Variants in PRRX2 observed in about 807,000 individuals in gnomAD.
PRRX2 encodes paired mesoderm homeobox protein 2.
Under a neutral mutation model 18.0 loss-of-function variants are expected in PRRX2, and 11 were observed. The ratio of observed to expected loss-of-function variants is 0.61; its 90% CI spans 0.39 to 1.01. The LOEUF (loss-of-function observed/expected upper bound fraction) is 1.01. Among genes scored for constraint, PRRX2 ranks in the 50% least tolerant of loss-of-function variants. The pLI, the probability that PRRX2 is intolerant of heterozygous loss-of-function variation, is 0.01. For synonymous variants in PRRX2, 177 were observed against 154.8 expected, an observed-to-expected ratio of 1.14 and a Z score of -1.06; for missense variants, 387 against 351.0, an observed-to-expected ratio of 1.10 and a Z score of -0.82.
At chr9:129,712,964 G>A (rs1050410021) in intron 1 of PRRX2, 3 of 152,228 alleles carry the variant, frequency 2.0e-5, no homozygotes, top group Middle Eastern at 3.2e-3. Context: ...AGTCCCCAGA[G>A]GAACACACAC....
chr9:129,720,949 C>T (rs879889428), intron 3 of PRRX2, among the ~76,000 whole-genome samples, 175 bp downstream of exon 3: 2 of 152,160 alleles, frequency 1.3e-5, no homozygotes, highest in Non-Finnish European at 2.9e-5. Flanking sequence ...TGGGTGTTCA[C>T]GAGCACCTGC....
intron 1 of PRRX2, among the ~76,000 whole-genome samples, chr9:129,667,160 T>TCTGAATGCACCCAGCTG (rs60087380): frequency 6.6e-6 from 1 of 152,110 alleles, no homozygotes; most frequent in African/African-American, 2.4e-5. Flanking sequence ...CGGGGCACCT[T>TCTGAATGCACCCAGCTG]CTGCCAGCCT....
In PRRX2 at chr9:129,697,469, G is replaced by T. The variant is rs535352384; in HGVS notation, c.260-21762G>T. ...GGGCCGCGGGACTGCGGCGAGGCAG[G>T]CGCCAGGGGCTCGTCTGGAACCAGA... On this transcript the variant is annotated intron_variant, in intron 1 of 3. Transcript: ENST00000372469. 7.5e-3 allele frequency among the ~76,000 whole-genome samples: 1,140 copies of T among 151,410 alleles called. 4 individuals carry two copies. Among genetic ancestry groups the T allele is most frequent in the South Asian group, 0.016 (78 of 4,830 alleles).
At chr9:129,713,941 C>T (rs1832667193) in intron 1 of PRRX2, among the ~76,000 whole-genome samples, 3 of 151,752 alleles carry the variant, frequency 2.0e-5, no homozygotes, top group Admixed American at 1.3e-4. Flanking sequence ...CTGCACCTGG[C>T]CAACAGACAT....
At chr9:129,670,664 C>G (rs758401707) in intron 1 of PRRX2, among the ~76,000 whole-genome samples, 1 of 152,180 alleles carries the variant, frequency 6.6e-6, no homozygotes, top group Non-Finnish European at 1.5e-5. Flanking sequence ...TCTGAGCCAC[C>G]GTGCCCGGCC....
At chr9:129,685,070 C>T (rs1832286008) in intron 1 of PRRX2, among the ~76,000 whole-genome samples, 1 of 152,196 alleles carries the variant, frequency 6.6e-6, no homozygotes, top group South Asian at 2.1e-4. Context: ...CTGCCCTCTC[C>T]CTGGGCTGAG....
intron 1 of PRRX2, 43 bp from the exon 2 acceptor site, chr9:129,719,188 A>C (rs1473614428): frequency 2.0e-6 from 3 of 1,489,148 alleles, no homozygotes; most frequent in Non-Finnish European, 2.7e-6. Context: ...GACTGTAGCC[A>C]CTGGCCGTCC....
chr9:129,708,640 A>C (rs1832584229), intron 1 of PRRX2, among the ~76,000 whole-genome samples: 1 of 152,172 alleles, frequency 6.6e-6, no homozygotes, highest in Non-Finnish European at 1.5e-5. Context: ...TAATGGTTAT[A>C]ACAGTTACAA....
chr9:129,687,731 A>C (rs192342850), intron 1 of PRRX2, among the ~76,000 whole-genome samples: 49 of 152,292 alleles, frequency 3.2e-4, no homozygotes, highest in Admixed American at 1.1e-3. Context: ...AGATTTGGGG[A>C]GCAGAAAGGT....
intron 1 of PRRX2, 70 bp downstream of exon 1, chr9:129,666,196 G>C (rs981839658): frequency 6.6e-5 from 64 of 969,658 alleles, no homozygotes; most frequent in Non-Finnish European, 7.3e-5. Context: ...CGCGGGGTCC[G>C]GGGAGCCGGC....
intron 1 of PRRX2, among the ~76,000 whole-genome samples, chr9:129,712,526 C>T (rs1232977545): frequency 2.0e-5 from 3 of 152,112 alleles, no homozygotes; most frequent in African/African-American, 4.8e-5. Context: ...TGCCTTTGGC[C>T]CCCAGTCAGC....
intron 1 of PRRX2, among the ~76,000 whole-genome samples, chr9:129,704,363 G>C (rs1832534301): frequency 6.6e-6 from 1 of 152,194 alleles, no homozygotes. Flanking sequence ...TCCCAATACA[G>C]ATGGTGAAAC....
intron 1 of PRRX2, among the ~76,000 whole-genome samples, chr9:129,696,011 A>G (rs938628358): frequency 5.3e-5 from 8 of 152,176 alleles, no homozygotes; most frequent in African/African-American, 1.9e-4. Context: ...GGAGCCAACA[A>G]ATTACTTGGA....
chr9:129,673,758 G>A (rs775530166), intron 1 of PRRX2, among the ~76,000 whole-genome samples: 63 of 152,256 alleles, frequency 4.1e-4, no homozygotes, highest in Middle Eastern at 3.4e-3. Context: ...CAGGGTGGCC[G>A]CAGCTGCTGG....
chr9:129,718,190 G>A (rs968995748), intron 1 of PRRX2, among the ~76,000 whole-genome samples: 5 of 151,502 alleles, frequency 3.3e-5, no homozygotes, highest in African/African-American at 1.2e-4. Flanking sequence ...CACCACCCTC[G>A]GTCAGGTCCC....
At chr9:129,693,791 A>G (rs550559963) in intron 1 of PRRX2, among the ~76,000 whole-genome samples, 11 of 152,314 alleles carry the variant, frequency 7.2e-5, no homozygotes, top group Non-Finnish European at 1.6e-4. Context: ...TGGCAATGCC[A>G]CATTGCTGCT....
intron 1 of PRRX2, among the ~76,000 whole-genome samples, chr9:129,701,787 TAGG>T (rs1832500625): frequency 1.3e-5 from 2 of 152,206 alleles, no homozygotes; most frequent in Non-Finnish European, 1.5e-5. Context: ...GTGGGATTTG[TAGG>T]AGATTTTTTT....
Position 129,689,214 on chromosome 9 carries a change from T to A in PRRX2, c.259+23088T>A, listed in dbSNP as rs184985990. Among the ~76,000 whole-genome samples, 488 of 152,284 alleles carry A rather than the reference T, an allele frequency of 3.2e-3. 5 individuals are homozygous for A. The highest frequency in any genetic ancestry group is 0.011 in the African/African-American group (469 of 41,552). On this transcript the variant is annotated intron_variant, in intron 1 of 3. Coordinates refer to ENST00000372469, the MANE Select transcript of PRRX2 (RefSeq NM_016307.4). ...TCTGAGCTCCCAGAGCACAGGGGTC[T>A]TCAGTAAGAAGCCTGCCTGCTTCGG...
intron 1 of PRRX2, among the ~76,000 whole-genome samples, chr9:129,669,595 A>G (rs1832075551): frequency 6.6e-6 from 1 of 152,220 alleles, no homozygotes; most frequent in South Asian, 2.1e-4. Flanking sequence ...GATTCACTGC[A>G]GGAGAAACCT....
Sources: allele counts gnomAD v4.1 joint callset (sites outside exome capture counted in the v4.1 genomes callset), GRCh38; gene constraint gnomAD v4.1.1; transcripts MANE v1.5; gene names NCBI Gene and HGNC (gene_info 2026-07-23, HGNC 2026-07-21).